Variants in JARID2 observed in about 807,000 individuals in gnomAD.
The protein encoded by JARID2 is jumonji and AT-rich interaction domain containing 2.
JARID2 carries 21 observed loss-of-function variants against 125.6 expected under a neutral mutation model. The observed-to-expected ratio is 0.17, with a 90% CI of 0.12 to 0.24. JARID2 has a LOEUF of 0.24. JARID2 is among the 10% of genes least tolerant of loss of function. The pLI, the probability that JARID2 is intolerant of heterozygous loss-of-function variation, is 1.00. For missense variants in JARID2, 1,303 were observed against 1,639.6 expected, an observed-to-expected ratio of 0.79 and a Z score of 3.55; for synonymous variants, 736 against 661.6, an observed-to-expected ratio of 1.11 and a Z score of -1.73.
chr6:15,330,582 G>A (rs2127454743), intron 1 of JARID2, among the ~76,000 whole-genome samples: 1 of 152,286 alleles, frequency 6.6e-6, no homozygotes, highest in Middle Eastern at 3.4e-3. Flanking sequence ...GTTTATTAAA[G>A]GGACAATGTA....
intron 1 of JARID2, among the ~76,000 whole-genome samples, chr6:15,291,189 T>C (rs566961715): frequency 6.6e-6 from 1 of 152,318 alleles, no homozygotes; most frequent in African/African-American, 2.4e-5. Context: ...GAGCCGTGAT[T>C]GCACCATTTC....
intron 1 of JARID2, among the ~76,000 whole-genome samples, chr6:15,291,342 C>G (rs1039782628): frequency 6.6e-6 from 1 of 152,182 alleles, no homozygotes; most frequent in African/African-American, 2.4e-5. Flanking sequence ...TACTCATCTT[C>G]CTGAAGTTAT....
At chr6:15,373,997 A>G (rs1764261024) in intron 1 of JARID2, 120 bp from the exon 2 acceptor site, 1 of 1,108,216 alleles carries the variant, frequency 9.0e-7, no homozygotes, top group South Asian at 1.5e-5. Flanking sequence ...TGACATTGAG[A>G]ACTGGGTCGT....
intron 3 of JARID2, among the ~76,000 whole-genome samples, chr6:15,429,294 T>C (rs1311530231): frequency 6.6e-6 from 1 of 151,998 alleles, no homozygotes; most frequent in Non-Finnish European, 1.5e-5. Context: ...AGTTGTGGTC[T>C]CACTCTGTCA....
At chr6:15,446,208 A>G (rs1357391797) in intron 3 of JARID2, among the ~76,000 whole-genome samples, 1 of 152,180 alleles carries the variant, frequency 6.6e-6, no homozygotes, top group Non-Finnish European at 1.5e-5. Flanking sequence ...CCTCCTTTCC[A>G]GCATCTATGG....
intron 8 of JARID2, among the ~76,000 whole-genome samples, chr6:15,501,682 G>A (rs953058498): frequency 5.9e-5 from 9 of 152,266 alleles, no homozygotes; most frequent in Admixed American, 4.6e-4. Flanking sequence ...GGGCCTTGTG[G>A]GTGCGTTGAT....
chr6:15,336,294 T>C (rs1197108213), intron 1 of JARID2, among the ~76,000 whole-genome samples: 4 of 152,260 alleles, frequency 2.6e-5, no homozygotes, highest in Admixed American at 6.5e-5. Context: ...TTAACAACAC[T>C]GGTGGTTCAG....
intron 1 of JARID2, among the ~76,000 whole-genome samples, chr6:15,352,767 G>A (rs1763472979): frequency 6.6e-6 from 1 of 152,162 alleles, no homozygotes; most frequent in Non-Finnish European, 1.5e-5. Context: ...ATGACTGTAA[G>A]TCTAAATTCA....
intron 1 of JARID2, among the ~76,000 whole-genome samples, chr6:15,298,768 G>A (rs1265919167): frequency 6.6e-6 from 1 of 151,842 alleles, no homozygotes; most frequent in East Asian, 1.9e-4. Context: ...CAGAGGATTA[G>A]GATAATTGCC....
Position 15,452,098 on chromosome 6 carries a change from C to G in JARID2, c.416C>G (p.Pro139Arg). The G allele has an allele frequency of 1.2e-6, 2 of 1,614,138 alleles. No homozygotes were observed. The highest frequency in any genetic ancestry group is 1.7e-6 in the Non-Finnish European group (2 of 1,180,030). The change falls in exon 4 of 18, where the codon CCT becomes CGT. Residue 139 changes from proline to arginine, a missense_variant. Transcript: ENST00000341776. ...PVKIVEPLLP[P>R]PATQISDLSK... ...AAGATAGTGGAGCCATTGCTACCCC[C>G]TCCAGCTACTCAGATATCAGACCTC... is the stretch of plus-strand genomic sequence containing the variant.
intron 1 of JARID2, among the ~76,000 whole-genome samples, chr6:15,347,084 TA>T (rs1561806049): frequency 1.3e-5 from 2 of 152,200 alleles, no homozygotes; most frequent in Admixed American, 6.5e-5. Context: ...ACTGTTTTCT[TA>T]AAGCAGTATT....
intron 1 of JARID2, among the ~76,000 whole-genome samples, chr6:15,319,472 A>G (rs1384730222): frequency 1.3e-5 from 2 of 152,062 alleles, no homozygotes; most frequent in African/African-American, 4.8e-5. Context: ...ATCTCAGCTC[A>G]TTGCAACCTC....
intron 2 of JARID2, among the ~76,000 whole-genome samples, chr6:15,409,061 A>G (rs909062518): frequency 1.3e-5 from 2 of 152,218 alleles, no homozygotes; most frequent in Non-Finnish European, 2.9e-5. Context: ...AAGCAGAAAC[A>G]AGCCAGGTCC....
chr6:15,427,395 A>G (rs1175227924), intron 3 of JARID2, among the ~76,000 whole-genome samples: 11 of 152,182 alleles, frequency 7.2e-5, no homozygotes, highest in Admixed American at 7.2e-4. Flanking sequence ...CTAGAAAACA[A>G]AAAAGGCTGG....
Position 15,465,617 on chromosome 6 carries a change from T to A in JARID2, c.494-2925T>A, listed in dbSNP as rs555786391. On this transcript the variant is annotated intron_variant, in intron 4 of 17. Coordinates refer to ENST00000341776, the MANE Select transcript of JARID2 (RefSeq NM_004973.4). ...CATCTTGAGTGCAAGGAATGTGATA[T>A]TTGCTTCATGCTGCTTCTCTAATGT... Among the ~76,000 whole-genome samples the A allele has an allele frequency of 2.6e-5, 4 of 151,416 alleles. No individual in the cohort carries two copies. The South Asian group carries it at 8.4e-4, about 32-fold the overall frequency.
At chr6:15,275,915 A>G (rs1428113828) in intron 1 of JARID2, among the ~76,000 whole-genome samples, 1 of 152,114 alleles carries the variant, frequency 6.6e-6, no homozygotes, top group Non-Finnish European at 1.5e-5. Flanking sequence ...ACTAGTGGGG[A>G]TATTTTCTCA....
At chr6:15,345,950 T>C (rs1248790788) in intron 1 of JARID2, among the ~76,000 whole-genome samples, 1 of 152,200 alleles carries the variant, frequency 6.6e-6, no homozygotes, top group African/African-American at 2.4e-5. Context: ...AGCTTTTCTT[T>C]CATGGAGTGG....
chr6:15,323,555 A>G (rs1762427214), intron 1 of JARID2, among the ~76,000 whole-genome samples: 1 of 152,146 alleles, frequency 6.6e-6, no homozygotes, highest in African/African-American at 2.4e-5. Context: ...CTGAGGTACT[A>G]GGGGTTTGGA....
intron 2 of JARID2, among the ~76,000 whole-genome samples, chr6:15,394,904 A>G (rs1765160221): frequency 6.6e-6 from 1 of 150,928 alleles, no homozygotes; most frequent in South Asian, 2.1e-4. Context: ...TAATCGGTCT[A>G]TTGCATGGCC....
Sources: allele counts gnomAD v4.1 joint callset (sites outside exome capture counted in the v4.1 genomes callset), GRCh38; gene constraint gnomAD v4.1.1; transcripts MANE v1.5; gene names NCBI Gene and HGNC (gene_info 2026-07-23, HGNC 2026-07-21).